EPB41L1: variants seen among roughly 807,000 people sequenced by gnomAD.
EPB41L1 encodes the protein erythrocyte membrane protein band 4.1 like 1.
A neutral mutation model predicts 97.8 loss-of-function variants in EPB41L1; 29 were observed. The ratio of observed to expected loss-of-function variants is 0.30; its 90% CI spans 0.22 to 0.40. The LOEUF is 0.40. Among genes scored for constraint, EPB41L1 ranks in the 10% least tolerant of loss-of-function variants. The probability of loss-of-function intolerance (pLI) is 1.00; values close to 1 mark genes in which losing one functional copy is unlikely to be tolerated. For missense variants in EPB41L1, 812 were observed against 1,162.3 expected (o/e 0.70, Z 4.38); for synonymous variants, 383 against 459.2 (o/e 0.83, Z 2.12).
At chr20:36,174,351 TGACCTCTGCC>T (rs2061131794) in intron 2 of EPB41L1, among the ~76,000 whole-genome samples, 1 of 151,774 alleles carries the variant, frequency 6.6e-6, no homozygotes, top group Non-Finnish European at 1.5e-5. Flanking sequence ...TCGCTCACTG[TGACCTCTGCC>T]GCCCGGGTTC....
chr20:36,127,053 G>A lies in EPB41L1; in HGVS notation c.-10+14573G>A, dbSNP rs942921697. 2.0e-5 allele frequency among the ~76,000 whole-genome samples: 3 copies of A among 152,206 alleles called. No homozygotes were observed. The South Asian group carries it at 6.2e-4, about 32-fold the overall frequency. ...TCAGAGGCACACACCTAGTGGCAGC[G>A]GGAGGGCCCCCGCAGACTGGAGAGG... On this transcript the variant is annotated intron_variant, in intron 2 of 19. Coordinates refer to the EPB41L1 transcript ENST00000202028.
At chr20:36,219,721 T>G in intron 18 of EPB41L1, 40 bp from the exon 19 acceptor site, 1 of 1,559,484 alleles carries the variant, frequency 6.4e-7, no homozygotes, top group Non-Finnish European at 8.8e-7. Flanking sequence ...CCCACTGTCC[T>G]TACCTGACAC....
chr20:36,144,129 A>G (rs1384428674), intron 2 of EPB41L1, among the ~76,000 whole-genome samples: 1 of 152,228 alleles, frequency 6.6e-6, no homozygotes, highest in Admixed American at 6.5e-5. Context: ...TAAGAATTAC[A>G]GGCGTCAGCC....
chr20:36,105,589 G>A (rs993207512), intron 1 of EPB41L1, among the ~76,000 whole-genome samples: 1 of 152,050 alleles, frequency 6.6e-6, no homozygotes, highest in African/African-American at 2.4e-5. Context: ...TTATGCCATC[G>A]CTTCTTGGCA....
intron 2 of EPB41L1, among the ~76,000 whole-genome samples, chr20:36,121,075 A>AG (rs1232317121): frequency 5.7e-3 from 74 of 12,996 alleles, no homozygotes; most frequent in Non-Finnish European, 0.012. Flanking sequence ...GTCTGACATG[A>AG]AAAAAAAAAA....
chr20:36,157,480 C>A (rs1600655563), intron 1 of EPB41L1, among the ~76,000 whole-genome samples: 2 of 152,292 alleles, frequency 1.3e-5, no homozygotes. Context: ...CGGTCTGAGT[C>A]CAGAGCCCTT....
chr20:36,210,275 G>A (rs1569333982), intron 15 of EPB41L1, among the ~76,000 whole-genome samples: 1 of 152,032 alleles, frequency 6.6e-6, no homozygotes, highest in African/African-American at 2.4e-5. Flanking sequence ...TTCCTGATCC[G>A]GGCCCAGGCT....
intron 1 of EPB41L1, among the ~76,000 whole-genome samples, chr20:36,170,986 C>T (rs1362730564): frequency 6.6e-6 from 1 of 152,108 alleles, no homozygotes; most frequent in South Asian, 2.1e-4. Flanking sequence ...ACCTCAGGCC[C>T]AGGAAAAGTT....
chr20:36,228,145 T>C (rs572637550), intron 21 of EPB41L1, among the ~76,000 whole-genome samples: 78 of 152,306 alleles, frequency 5.1e-4, no homozygotes, highest in African/African-American at 1.8e-3. Flanking sequence ...GCAGAAATGA[T>C]GTTTCATCCA....
In EPB41L1 at chr20:36,209,296, GT is replaced by G. The variant is rs1164841915; in HGVS notation, c.1669-187del. 6.6e-6 allele frequency among the ~76,000 whole-genome samples: 1 copy of G among 152,062 alleles called. No homozygotes were observed. Among genetic ancestry groups the G allele is most frequent in the African/African-American group, 2.4e-5 (1 of 41,400 alleles). On this transcript the variant is annotated intron_variant, in intron 14 of 21. Coordinates refer to ENST00000338074, the MANE Select transcript of EPB41L1 (RefSeq NM_012156.2). This position sits in a 1 kb window ranked among gnomAD's most constrained non-coding sequence, Gnocchi z 4.2. ...AAAGGGGCATCTCCACTCTTGAGTCGTTTTTGTTTTTTTTATGCTTGTTATG... is the reference window on the plus strand; with the variant it reads ...AAAGGGGCATCTCCACTCTTGAGTCGTTTTGTTTTTTTTATGCTTGTTATG...
chr20:36,172,115 G>A (rs1476669996), intron 1 of EPB41L1, among the ~76,000 whole-genome samples: 1 of 152,082 alleles, frequency 6.6e-6, no homozygotes, highest in Non-Finnish European at 1.5e-5. Flanking sequence ...TTGAGATGGA[G>A]TCTCACTCTT....
intron 2 of EPB41L1, among the ~76,000 whole-genome samples, chr20:36,126,524 G>A (rs1016216678): frequency 2.6e-5 from 4 of 152,058 alleles, no homozygotes; most frequent in Admixed American, 6.5e-5. Flanking sequence ...GTGCCACCAC[G>A]CCCAGCTAAT....
At chr20:36,191,824 G>A (rs777445200) in intron 11 of EPB41L1, among the ~76,000 whole-genome samples, 1 of 152,160 alleles carries the variant, frequency 6.6e-6, no homozygotes, top group Non-Finnish European at 1.5e-5. Flanking sequence ...GTGTTCTAGG[G>A]AAAACTAAAT....
chr20:36,212,216 A>C lies in EPB41L1; in HGVS notation c.2080-56A>C. ...AGACACCACACTGCAATTGTCTGTG[A>C]GCAAGGGTCATGCTAGGGTTTCAGT... On this transcript the variant is annotated intron_variant, in intron 15 of 21. Transcript: ENST00000338074. The surrounding 1 kb of genome is among the most constrained non-coding windows in gnomAD (Gnocchi z 4.8). 1 of 1,553,498 alleles carries C rather than the reference A, an allele frequency of 6.4e-7. No individual in the cohort carries two copies. Among genetic ancestry groups the C allele is most frequent in the Non-Finnish European group, 8.9e-7 (1 of 1,125,326 alleles).
Position 36,206,486 on chromosome 20 carries a change from A to G in EPB41L1, c.1669-3002A>G. On this transcript the variant is annotated intron_variant, in intron 14 of 21. Coordinates refer to ENST00000338074, the MANE Select transcript of EPB41L1 (RefSeq NM_012156.2). The surrounding 1 kb of genome is among the most constrained non-coding windows in gnomAD (Gnocchi z 5.5). Reference sequence around the variant, plus strand: ...GAGAGGAGCTTCTATTTAAATTATGAAGAAAAAGACTCAGAAGACCAAGTC... The same window carrying G: ...GAGAGGAGCTTCTATTTAAATTATGGAGAAAAAGACTCAGAAGACCAAGTC... The G allele has an allele frequency of 7.8e-7, 1 of 1,289,852 alleles. No individual in the cohort carries two copies. Among genetic ancestry groups the G allele is most frequent in the South Asian group, 1.2e-5 (1 of 81,008 alleles). The allele number at this position is 1,289,852 out of a possible 1,614,324, so 79.9% of individuals were successfully genotyped here. A position where few individuals can be genotyped will look rare whatever the true frequency, so the allele number is the denominator to read the frequency against.
At position 36,122,327 on chromosome 20, in the gene EPB41L1, G is replaced by A. The variant is rs146461562; in HGVS notation, c.-10+9847G>A. Among the ~76,000 whole-genome samples the A allele has an allele frequency of 8.6e-3, 1,312 of 152,334 alleles. 29 individuals carry two copies. Among genetic ancestry groups the A allele is most frequent in the African/African-American group, 0.03 (1,227 of 41,564 alleles). ...CCTTTGTGCCAAATGGGGACAGGAG[G>A]CCTGGTGAGTCCTGCTGTACACCAT... On this transcript the variant is annotated intron_variant, in intron 2 of 19. Transcript: ENST00000202028.
intron 1 of EPB41L1, among the ~76,000 whole-genome samples, chr20:36,099,033 G>A (rs1317422418): frequency 1.3e-5 from 2 of 152,202 alleles, no homozygotes; most frequent in Admixed American, 6.5e-5. Context: ...GCCAGGCGTG[G>A]TGGCGGGCAC....
intron 17 of EPB41L1, 151 bp downstream of exon 17, chr20:36,214,591 T>A: frequency 1.4e-6 from 1 of 713,126 alleles, no homozygotes; most frequent in Non-Finnish European, 2.5e-6. Context: ...GTTTATTATC[T>A]GGGGCTTTAG....
chr20:36,191,359 C>G (rs1345856465), intron 11 of EPB41L1, among the ~76,000 whole-genome samples: 1 of 152,174 alleles, frequency 6.6e-6, no homozygotes, highest in African/African-American at 2.4e-5. Context: ...CCACATGGCA[C>G]TCTCCACTGT....
Sources: allele counts gnomAD v4.1 joint callset (sites outside exome capture counted in the v4.1 genomes callset), GRCh38; gene constraint gnomAD v4.1.1; non-coding constraint Gnocchi (gnomAD v3.1); transcripts MANE v1.5; gene names NCBI Gene and HGNC (gene_info 2026-07-23, HGNC 2026-07-21).